EP400: variants seen among roughly 807,000 people sequenced by gnomAD.
EP400 encodes the protein E1A-binding protein p400.
Under a neutral mutation model 354.1 loss-of-function variants are expected in EP400, and 105 were observed. That is an observed-to-expected ratio of 0.30 (90% CI 0.25 to 0.35). EP400 has a LOEUF of 0.35. EP400 is among the 10% of genes least tolerant of loss of function. The probability of loss-of-function intolerance (pLI) is 1.00; values close to 1 mark genes in which losing one functional copy is unlikely to be tolerated. For synonymous variants in EP400, 1,646 were observed against 1,716.9 expected, an observed-to-expected ratio of 0.96 and a Z score of 1.02; for missense variants, 3,280 against 4,121.0, an observed-to-expected ratio of 0.80 and a Z score of 5.59.
In EP400 at chr12:132,067,801, T is replaced by C. The variant is rs573365304; in HGVS notation, c.8874+315T>C. Among the ~76,000 whole-genome samples the C allele has an allele frequency of 6.9e-6, 1 of 145,732 alleles. No individual in the cohort carries two copies. Among genetic ancestry groups the C allele is most frequent in the South Asian group, 2.2e-4 (1 of 4,632 alleles). ...GACAGACACAGGGGGTGCAATTGCA[T>C]GATGGGGGCCAGTGGGCTCAGGGAA... On this transcript the variant is annotated intron_variant, in intron 50 of 52. Coordinates refer to ENST00000389561, the MANE Select transcript of EP400 (RefSeq NM_015409.5). The surrounding 1 kb of genome is among the most constrained non-coding windows in gnomAD (Gnocchi z 5.3).
intron 45 of EP400, among the ~76,000 whole-genome samples, chr12:132,061,437 A>G (rs764453798): frequency 2.2e-4 from 34 of 152,254 alleles, no homozygotes; most frequent in Non-Finnish European, 3.4e-4. Context: ...GAAACTAAAA[A>G]TACACTGCAC....
At chr12:131,995,845 C>T (rs1392475068) in intron 12 of EP400, among the ~76,000 whole-genome samples, 3 of 148,872 alleles carry the variant, frequency 2.0e-5, no homozygotes, top group African/African-American at 5.1e-5. Context: ...GCCGTTCATC[C>T]TGAGTGTGTG....
intron 13 of EP400, 30 bp from the exon 14 acceptor site, chr12:132,006,082 C>A: frequency 6.3e-7 from 1 of 1,587,148 alleles, no homozygotes. Flanking sequence ...TCTCAGTGGC[C>A]CTCACTTCTC....
In EP400 at chr12:132,050,166, G is replaced by C. The variant is rs1895244550; in HGVS notation, c.7201-157G>C. ...AGCCACTTAATGCCGCTGCTGTTGG[G>C]TTATGCCTGAACTTGGAAAGAAGGC... is the stretch of plus-strand genomic sequence containing the variant. On this transcript the variant is annotated intron_variant, in intron 39 of 52. Coordinates refer to ENST00000389561, the MANE Select transcript of EP400 (RefSeq NM_015409.5). The surrounding 1 kb of genome is among the most constrained non-coding windows in gnomAD (Gnocchi z 4.8). Among the ~76,000 whole-genome samples the C allele has an allele frequency of 6.6e-6, 1 of 152,198 alleles. No homozygotes were observed. The highest frequency in any genetic ancestry group is 2.4e-5 in the African/African-American group (1 of 41,440).
intron 1 of EP400, among the ~76,000 whole-genome samples, chr12:131,952,191 T>G (rs1211010025): frequency 6.7e-6 from 1 of 148,696 alleles, no homozygotes; most frequent in Non-Finnish European, 1.5e-5. Context: ...TAGTCCCAGC[T>G]ACTCGGGAGG....
At chr12:131,997,996 T>C (rs1893274578) in intron 12 of EP400, among the ~76,000 whole-genome samples, 1 of 152,210 alleles carries the variant, frequency 6.6e-6, no homozygotes. Flanking sequence ...GAGTGCAGTT[T>C]CCTTTTTTTC....
At chr12:132,010,261 A>G (rs1389241664) in intron 15 of EP400, among the ~76,000 whole-genome samples, 3 of 151,602 alleles carry the variant, frequency 2.0e-5, no homozygotes, top group African/African-American at 4.9e-5. Flanking sequence ...TAATTTTTGT[A>G]TTTTTAGTAG....
chr12:132,041,258 G>A (rs1894895457), intron 32 of EP400, among the ~76,000 whole-genome samples: 1 of 152,236 alleles, frequency 6.6e-6, no homozygotes, highest in Admixed American at 6.5e-5. Context: ...TTTAAGAAAA[G>A]TCCTTGTTGA....
chr12:131,988,105 T>G (rs1233407574), intron 7 of EP400, among the ~76,000 whole-genome samples: 3 of 151,318 alleles, frequency 2.0e-5, no homozygotes, highest in African/African-American at 7.3e-5. Context: ...AATCCTGGGC[T>G]CAAGTGATTG....
intron 12 of EP400, among the ~76,000 whole-genome samples, chr12:131,998,662 G>A (rs1223287244): frequency 1.4e-5 from 2 of 138,230 alleles, no homozygotes; most frequent in African/African-American, 5.3e-5. Context: ...TGTATACAAA[G>A]ACTTTGTATA....
At chr12:132,072,964 T>C (rs1469731612) in intron 51 of EP400, among the ~76,000 whole-genome samples, 2 of 152,202 alleles carry the variant, frequency 1.3e-5, no homozygotes, top group Non-Finnish European at 2.9e-5. Context: ...TTGGAAGTTT[T>C]TGGTCTGTGT....
In EP400 at chr12:132,000,550, A is replaced by C. The variant is rs567121178; in HGVS notation, c.2828-4527A>C. On this transcript the variant is annotated intron_variant, in intron 12 of 52. Coordinates refer to ENST00000389561, the MANE Select transcript of EP400 (RefSeq NM_015409.5). ...TGCTCTATCAATTACTGAGAGAAGT[A>C]TGTTAAAATGTTCCATTATGATAAT... Among the ~76,000 whole-genome samples, 14 of 152,344 alleles carry C rather than the reference A, an allele frequency of 9.2e-5. No individual in the cohort carries two copies. In the South Asian group the frequency reaches 2.3e-3, roughly 25 times the overall value.
chr12:132,005,881 T>C (rs997393986), intron 13 of EP400, among the ~76,000 whole-genome samples: 1 of 152,362 alleles, frequency 6.6e-6, no homozygotes, highest in South Asian at 2.1e-4. Flanking sequence ...GGGCAAATTA[T>C]ACTCTTGGAG....
At position 132,037,784 on chromosome 12, in the gene EP400, C is replaced by T. The variant is rs751706985; in HGVS notation, c.6054C>T (p.Phe2018=). 2 of 1,614,198 alleles carry T rather than the reference C, an allele frequency of 1.2e-6. No individual in the cohort carries two copies. The highest frequency in any genetic ancestry group is 1.7e-6 in the Non-Finnish European group (2 of 1,180,032). ...AAQGNDYSMA[F]LTQRTIQELF... Reference sequence around the variant, plus strand: ...AGGGAAATGACTACTCCATGGCTTTCTTAACTCAGGTACTCCTTATTCAAT... The same window carrying T: ...AGGGAAATGACTACTCCATGGCTTTTTTAACTCAGGTACTCCTTATTCAAT... Residue 2018 remains phenylalanine, a synonymous_variant, in exon 31 of 53, where the codon TTC becomes TTT. Transcript: ENST00000389561.
intron 2 of EP400, among the ~76,000 whole-genome samples, chr12:131,976,676 C>CT (rs1187961409): frequency 1.3e-5 from 2 of 152,174 alleles, no homozygotes; most frequent in Non-Finnish European, 2.9e-5. Context: ...TACCATTGCA[C>CT]TCCAGCCTGG....
In EP400 at chr12:132,062,623, C is replaced by T. The variant is rs1264686615; in HGVS notation, c.8256C>T (p.Thr2752=). The T allele has an allele frequency of 3.7e-6, 6 of 1,611,600 alleles. No homozygotes were observed. The Admixed American group carries it at 8.3e-5, about 22-fold the overall frequency. Residue 2752 remains threonine (T), a synonymous_variant, in exon 47 of 53, where the codon ACC becomes ACT. Transcript: ENST00000389561. Reference sequence around the variant, plus strand: ...AGCAGCAGCAACAGACGACGACGACCTCTCAGGTGCAAGTTCCACAGATCC... The same window carrying T: ...AGCAGCAGCAACAGACGACGACGACTTCTCAGGTGCAAGTTCCACAGATCC... ...QQQQQQQTTT[T]SQVQVPQIQG... is the part of the protein sequence containing the mutation.
In EP400 at chr12:132,021,187, G is replaced by T; in HGVS notation, c.4556G>T (p.Arg1519Leu). 2 of 1,600,908 alleles carry T rather than the reference G, an allele frequency of 1.2e-6. No homozygotes were observed. Among genetic ancestry groups the T allele is most frequent in the Non-Finnish European group, 8.5e-7 (1 of 1,179,606 alleles). Residue 1519 changes from arginine to leucine, a missense_variant, in exon 23 of 53, where the codon CGG (arginine) becomes CTG (leucine). Transcript: ENST00000389561. ...AASPAHPAKL[R>L]AQTTAQASTP... ...AGCCCGGCCCATCCTGCGAAACTGC[G>T]GGCCCAGACCACAGCACAGGCCTCC...
intron 2 of EP400, among the ~76,000 whole-genome samples, chr12:131,972,527 G>A (rs1892325818): frequency 6.6e-6 from 1 of 152,160 alleles, no homozygotes; most frequent in Admixed American, 6.6e-5. Context: ...TTCAGAATTT[G>A]TTATTACATA....
At chr12:131,969,471 G>A (rs1892215786) in intron 2 of EP400, among the ~76,000 whole-genome samples, 1 of 152,004 alleles carries the variant, frequency 6.6e-6, no homozygotes, top group Admixed American at 6.6e-5. Flanking sequence ...CCCCCCTCCT[G>A]GTGGTTCTGT....
Sources: gnomAD v4.1 joint callset for allele counts (sites outside exome capture counted in the v4.1 genomes callset) on GRCh38, gnomAD v4.1.1 for gene constraint, Gnocchi (gnomAD v3.1) non-coding constraint, MANE v1.5 for transcripts, NCBI Gene and HGNC (gene_info 2026-07-23, HGNC 2026-07-21) for gene names.